ITGA11: variants seen among roughly 807,000 people sequenced by gnomAD.
The protein encoded by ITGA11 is integrin alpha-11.
In ITGA11, 97 loss-of-function variants were observed where a neutral mutation model predicts 141.9. The observed-to-expected ratio is 0.68, with a 90% CI of 0.58 to 0.81. The LOEUF is 0.81. Among genes scored for constraint, ITGA11 ranks in the 30% least tolerant of loss-of-function variants. The pLI is 0.00. For missense variants in ITGA11, 1,387 were observed against 1,559.2 expected (o/e 0.89, Z 1.86); for synonymous variants, 658 against 624.6 (o/e 1.05, Z -0.80).
At chr15:68,332,282 G>C (rs1366979114) in intron 13 of ITGA11, 56 bp downstream of exon 13, 2 of 1,552,020 alleles carry the variant, frequency 1.3e-6, no homozygotes, top group Non-Finnish European at 1.7e-6. Flanking sequence ...GGCTACCCAA[G>C]TCAAAGCAGA....
Position 68,301,530 on chromosome 15 carries a change from A to G in ITGA11, c.*1529T>C, listed in dbSNP as rs1006848305. On this transcript the variant is annotated 3_prime_UTR_variant, in exon 30 of 30. Transcript: ENST00000315757. This position sits in a 1 kb window ranked among gnomAD's most constrained non-coding sequence, Gnocchi z 4.4. ...CCACTGGAGACGTCACACGGAGGCC[A>G]GGCAGCCACTAGGAGGGCATGTTGT... 1 of 152,444 alleles carries G rather than the reference A, an allele frequency of 6.6e-6. No homozygotes were observed. Among genetic ancestry groups the G allele is most frequent in the Non-Finnish European group, 1.5e-5 (1 of 68,152 alleles). The allele number at this position is 152,444 out of a possible 1,614,324, so 9.4% of individuals were successfully genotyped here.
chr15:68,422,509 G>T (rs1406502646), intron 1 of ITGA11, among the ~76,000 whole-genome samples: 1 of 152,002 alleles, frequency 6.6e-6, no homozygotes. Flanking sequence ...CATTCTACCT[G>T]CTCCCCATCG....
intron 1 of ITGA11, among the ~76,000 whole-genome samples, chr15:68,427,012 C>CAA (rs148867034): frequency 1.0e-4 from 5 of 47,778 alleles, no homozygotes; most frequent in African/African-American, 2.8e-4. Flanking sequence ...AAGACTGTCT[C>CAA]AAAAAAAAAA....
rs369895403 is a variant in ITGA11 at position 68,313,772 on chromosome 15, G to C, written c.2882+7C>G. ...CCCTCTCCTGGGGCCCCCGGAGCCC[G>C]GCCCACCTGGTGAAGAGGACGTCAG... On this transcript the variant is annotated splice_region_variant and intron_variant, in intron 23 of 29. Transcript: ENST00000315757. 8.1e-6 allele frequency: 13 copies of C among 1,612,848 alleles called. No individual in the cohort carries two copies. In the African/African-American group the frequency reaches 1.7e-4, roughly 22 times the overall value.
At chr15:68,360,578 G>A (rs1055763065) in intron 5 of ITGA11, among the ~76,000 whole-genome samples, 4 of 152,130 alleles carry the variant, frequency 2.6e-5, no homozygotes, top group Non-Finnish European at 5.9e-5. Context: ...AAGCTTCAGA[G>A]CAATGCTGCT....
rs1894872686 is a variant in ITGA11, at chr15:68,350,543, G to C, written c.1060+74C>G. The C allele has an allele frequency of 8.4e-6, 12 of 1,424,432 alleles. No individual in the cohort carries two copies. The East Asian group carries it at 1.2e-4, about 14-fold the overall frequency. The allele number at this position is 1,424,432 out of a possible 1,614,324, so 88.2% of individuals were successfully genotyped here. ...TTAAGCCATTTCGTTTTGTGGGATT[G>C]GTTTGTGCTCTACGGGGTTTACCTG... On this transcript the variant is annotated intron_variant, in intron 9 of 29. Coordinates refer to ENST00000315757, the MANE Select transcript of ITGA11 (RefSeq NM_001004439.2).
intron 1 of ITGA11, among the ~76,000 whole-genome samples, chr15:68,405,159 C>CGTTTTTTTTTTTTT (rs10647873): frequency 8.4e-6 from 1 of 118,940 alleles, no homozygotes. Flanking sequence ...CACTGTCTCC[C>CGTTTTTTTTTTTTT]TTTTTTTTTT....
At chr15:68,411,033 A>T (rs1896760596) in intron 1 of ITGA11, among the ~76,000 whole-genome samples, 1 of 152,220 alleles carries the variant, frequency 6.6e-6, no homozygotes, top group Admixed American at 6.5e-5. Context: ...TGCGTGGCCA[A>T]CAGGGAACTC....
At chr15:68,419,945 T>G (rs935712656) in intron 1 of ITGA11, among the ~76,000 whole-genome samples, 1 of 152,300 alleles carries the variant, frequency 6.6e-6, no homozygotes, top group Admixed American at 6.5e-5. Flanking sequence ...GTTGAAACCT[T>G]ATGTCAGTGG....
At chr15:68,431,912 C>A (rs1313135278) in intron 1 of ITGA11, 103 bp downstream of exon 1, 5 of 803,588 alleles carry the variant, frequency 6.2e-6, no homozygotes, top group Non-Finnish European at 8.7e-6. Context: ...GAGGTCTGAC[C>A]CTGGGAGGAG....
At chr15:68,374,273 T>A (rs1378027281) in intron 2 of ITGA11, among the ~76,000 whole-genome samples, 1 of 152,222 alleles carries the variant, frequency 6.6e-6, no homozygotes, top group Non-Finnish European at 1.5e-5. Flanking sequence ...CCTAGCCTTG[T>A]GGCAACAGAA....
rs571972840 is a variant in ITGA11 at position 68,369,803 on chromosome 15, CGG to C, written c.165-521_165-520del. 3.8e-3 allele frequency among the ~76,000 whole-genome samples: 586 copies of C among 152,320 alleles called. 24 individuals are homozygous for C. The East Asian group carries it at 0.097, about 25-fold the overall frequency. On this transcript the variant is annotated intron_variant, in intron 2 of 29. Coordinates refer to ENST00000315757, the MANE Select transcript of ITGA11 (RefSeq NM_001004439.2). ...CAGGGTGGACAAGGCAGCCAGTGGGCGGAAGCTGCCATGCAGCTGGGGCTCCT... is the reference window on the plus strand; with the variant it reads ...CAGGGTGGACAAGGCAGCCAGTGGGCAAGCTGCCATGCAGCTGGGGCTCCT...
chr15:68,418,678 G>A (rs60893623), intron 1 of ITGA11, among the ~76,000 whole-genome samples: 8,636 of 151,066 alleles, frequency 0.057, 302 homozygotes, highest in Non-Finnish European at 0.073. Flanking sequence ...TGTACGTGGC[G>A]GCCCTGCCCA....
chr15:68,327,592 T>C (rs1894019859), intron 16 of ITGA11, among the ~76,000 whole-genome samples: 1 of 152,178 alleles, frequency 6.6e-6, no homozygotes, highest in Non-Finnish European at 1.5e-5. Flanking sequence ...GCCAGGGCTG[T>C]CATGAGTAGG....
chr15:68,379,694 C>A (rs1895812903), intron 2 of ITGA11, among the ~76,000 whole-genome samples: 1 of 152,202 alleles, frequency 6.6e-6, no homozygotes, highest in Non-Finnish European at 1.5e-5. Context: ...TGCAATGTAA[C>A]CCCTCTCCCA....
chr15:68,359,954 GA>G (rs1179486552), intron 5 of ITGA11, among the ~76,000 whole-genome samples: 2 of 152,254 alleles, frequency 1.3e-5, no homozygotes, highest in Non-Finnish European at 1.5e-5. Context: ...GCATTTCGAA[GA>G]GGCACTATGT....
chr15:68,366,281 G>T (rs1005723603), intron 3 of ITGA11, among the ~76,000 whole-genome samples: 4 of 152,146 alleles, frequency 2.6e-5, no homozygotes, highest in Non-Finnish European at 5.9e-5. Context: ...AGACCCAGGG[G>T]TCATCATTTC....
intron 1 of ITGA11, among the ~76,000 whole-genome samples, chr15:68,425,181 C>T (rs1897114043): frequency 6.6e-6 from 1 of 152,206 alleles, no homozygotes; most frequent in Non-Finnish European, 1.5e-5. Context: ...CCTTGCCAAA[C>T]AACAGGCCCA....
chr15:68,309,768 T>C (rs1320755520), intron 26 of ITGA11, among the ~76,000 whole-genome samples: 1 of 151,890 alleles, frequency 6.6e-6, no homozygotes, highest in East Asian at 1.9e-4. Flanking sequence ...TTTTTGTATG[T>C]TTAGTAGAGA....
Sources: allele counts gnomAD v4.1 joint callset (sites outside exome capture counted in the v4.1 genomes callset), GRCh38; gene constraint gnomAD v4.1.1; non-coding constraint Gnocchi (gnomAD v3.1); transcripts MANE v1.5; gene names NCBI Gene and HGNC (gene_info 2026-07-23, HGNC 2026-07-21).